Variants in LPAR1 observed in about 807,000 individuals in gnomAD.
The protein encoded by LPAR1 is lysophosphatidic acid receptor 1.
In LPAR1, 5 loss-of-function variants were observed where a neutral mutation model predicts 23.8. That is an observed-to-expected ratio of 0.21 (90% CI 0.11 to 0.44). The LOEUF is 0.44. Ranked by LOEUF, LPAR1 falls within the 20% of genes least tolerant of loss-of-function variation. The pLI is 0.99. For synonymous variants in LPAR1, 160 were observed against 164.7 expected (o/e 0.97, Z 0.22); for missense variants, 311 against 482.8 (o/e 0.64, Z 3.33).
intron 5 of LPAR1, among the ~76,000 whole-genome samples, chr9:110,935,644 CAGAG>C (rs2094654139): frequency 6.6e-6 from 1 of 152,102 alleles, no homozygotes; most frequent in South Asian, 2.1e-4. Context: ...AAAGAACAAA[CAGAG>C]AGCAGAGCCT....
At chr9:110,939,177 T>C (rs1467271785) in intron 5 of LPAR1, among the ~76,000 whole-genome samples, 1 of 152,116 alleles carries the variant, frequency 6.6e-6, no homozygotes, top group East Asian at 1.9e-4. Context: ...ACAATTCAAA[T>C]AGGGGAGCAT....
intron 5 of LPAR1, among the ~76,000 whole-genome samples, chr9:110,930,511 AAAAAATAAAAAT>A (rs1042489011): frequency 2.0e-5 from 3 of 152,146 alleles, no homozygotes; most frequent in East Asian, 1.9e-4. Flanking sequence ...ACTCCATCTC[AAAAAATAAAAAT>A]AAAAATAAAA....
At chr9:110,921,872 C>G (rs745994545) in intron 5 of LPAR1, among the ~76,000 whole-genome samples, 1 of 152,134 alleles carries the variant, frequency 6.6e-6, no homozygotes. Context: ...CGTAATGCTC[C>G]CTGGAGTTGT....
intron 4 of LPAR1, among the ~76,000 whole-genome samples, chr9:110,946,476 C>T (rs1328883238): frequency 6.6e-6 from 1 of 151,882 alleles, no homozygotes; most frequent in Non-Finnish European, 1.5e-5. Flanking sequence ...TATCTAAAGA[C>T]AGAGAGAATC....
intron 5 of LPAR1, among the ~76,000 whole-genome samples, chr9:110,923,523 T>C (rs2093786754): frequency 6.6e-6 from 1 of 152,200 alleles, no homozygotes; most frequent in Admixed American, 6.5e-5. Flanking sequence ...TCTGAGCATG[T>C]TTAAGGTAGG....
intron 4 of LPAR1, among the ~76,000 whole-genome samples, chr9:110,958,515 T>G (rs1232282804): frequency 1.3e-5 from 2 of 152,168 alleles, no homozygotes; most frequent in African/African-American, 4.8e-5. Context: ...CTGGGAAAAC[T>G]GGATATCCTT....
intron 5 of LPAR1, among the ~76,000 whole-genome samples, chr9:110,885,683 T>C (rs753066164): frequency 2.0e-5 from 3 of 152,222 alleles, no homozygotes; most frequent in Non-Finnish European, 4.4e-5. Context: ...AACCTTAAGA[T>C]GGGTCACTGC....
intron 2 of LPAR1, among the ~76,000 whole-genome samples, chr9:110,995,046 G>A (rs1339868285): frequency 6.6e-6 from 1 of 152,116 alleles, no homozygotes; most frequent in African/African-American, 2.4e-5. Context: ...CAAAGACAAA[G>A]GCAGATGCTC....
At chr9:110,965,842 T>C (rs1203538418) in intron 4 of LPAR1, among the ~76,000 whole-genome samples, 2 of 152,210 alleles carry the variant, frequency 1.3e-5, no homozygotes, top group Admixed American at 6.5e-5. Flanking sequence ...ATTGTAGCAC[T>C]ATATTTACAA....
At chr9:111,005,954 T>C (rs1211703620) in intron 2 of LPAR1, among the ~76,000 whole-genome samples, 2 of 152,144 alleles carry the variant, frequency 1.3e-5, no homozygotes, top group African/African-American at 4.8e-5. Flanking sequence ...CTAAACCCTA[T>C]TCAGTTATGA....
At chr9:110,981,357 T>G (rs1215119251) in intron 2 of LPAR1, among the ~76,000 whole-genome samples, 1 of 152,062 alleles carries the variant, frequency 6.6e-6, no homozygotes, top group Non-Finnish European at 1.5e-5. Flanking sequence ...CATGTCTCCT[T>G]GCCTCAGATT....
intron 5 of LPAR1, among the ~76,000 whole-genome samples, chr9:110,937,895 G>A (rs1031512137): frequency 1.3e-5 from 2 of 152,130 alleles, no homozygotes; most frequent in Non-Finnish European, 2.9e-5. Context: ...ATTATTTACT[G>A]AGCACCCATT....
At chr9:110,928,776 T>C (rs982750443) in intron 5 of LPAR1, among the ~76,000 whole-genome samples, 3 of 152,134 alleles carry the variant, frequency 2.0e-5, no homozygotes, top group African/African-American at 7.2e-5. Flanking sequence ...GCAAACCCAA[T>C]CCCTTCAGCA....
At chr9:110,947,297 T>C (rs2095415439) in intron 4 of LPAR1, among the ~76,000 whole-genome samples, 1 of 152,182 alleles carries the variant, frequency 6.6e-6, no homozygotes, top group Non-Finnish European at 1.5e-5. Flanking sequence ...TACGAAGTTA[T>C]AGAATTTCAC....
At chr9:110,914,070 A>G (rs1043775586) in intron 5 of LPAR1, among the ~76,000 whole-genome samples, 4 of 152,146 alleles carry the variant, frequency 2.6e-5, no homozygotes, top group Non-Finnish European at 5.9e-5. Context: ...ACAGCATCTC[A>G]AAAGGCAACT....
intron 4 of LPAR1, among the ~76,000 whole-genome samples, chr9:110,969,636 C>G (rs1006910400): frequency 2.0e-5 from 3 of 151,668 alleles, no homozygotes; most frequent in Admixed American, 1.3e-4. Flanking sequence ...TGCTGGAACC[C>G]AGAAGGTGGA....
chr9:110,959,170 C>CAAAAAAAAAAAAAAAAAAA (rs1186318362), intron 4 of LPAR1, among the ~76,000 whole-genome samples: 1 of 81,148 alleles, frequency 1.2e-5, no homozygotes, highest in African/African-American at 5.2e-5. Flanking sequence ...GATGTCTCTA[C>CAAAAAAAAAAAAAAAAAAA]AAAAAAAAAA....
intron 5 of LPAR1, among the ~76,000 whole-genome samples, chr9:110,936,485 G>C (rs1228984612): frequency 6.6e-6 from 1 of 152,168 alleles, no homozygotes; most frequent in African/African-American, 2.4e-5. Context: ...CTTACAAAAA[G>C]AATGATCTTA....
At chr9:111,005,929 A>T (rs770777828) in intron 2 of LPAR1, among the ~76,000 whole-genome samples, 3 of 152,188 alleles carry the variant, frequency 2.0e-5, no homozygotes, top group Non-Finnish European at 4.4e-5. Context: ...CACATAAGTC[A>T]TAACATTCAT....
Sources: gnomAD v4.1 joint callset for allele counts (sites outside exome capture counted in the v4.1 genomes callset) on GRCh38, gnomAD v4.1.1 for gene constraint, MANE v1.5 for transcripts, NCBI Gene and HGNC (gene_info 2026-07-23, HGNC 2026-07-21) for gene names.